NXPE3: variants seen among roughly 807,000 people sequenced by gnomAD.
NXPE3 encodes the protein NXPE family member 3.
A neutral mutation model predicts 46.1 loss-of-function variants in NXPE3; 26 were observed. The ratio of observed to expected loss-of-function variants is 0.56; its 90% CI spans 0.41 to 0.78. NXPE3 has a LOEUF of 0.78. Among genes scored for constraint, NXPE3 ranks in the 30% least tolerant of loss-of-function variants. The pLI is 0.00. For missense variants in NXPE3, 620 were observed against 686.0 expected, an observed-to-expected ratio of 0.90 and a Z score of 1.07; for synonymous variants, 272 against 257.9, an observed-to-expected ratio of 1.05 and a Z score of -0.52.
chr3:101,780,934 C>CT (rs1263208909), intron 1 of NXPE3, among the ~76,000 whole-genome samples: 1 of 152,138 alleles, frequency 6.6e-6, no homozygotes, highest in African/African-American at 2.4e-5. Context: ...CCTGCTTCAT[C>CT]TTTTTTCAAG....
intron 4 of NXPE3, among the ~76,000 whole-genome samples, chr3:101,788,206 T>C (rs1484598746): frequency 1.3e-5 from 2 of 152,244 alleles, no homozygotes; most frequent in Non-Finnish European, 2.9e-5. Context: ...CGGTACTCAC[T>C]GTTTAACGGA....
intron 6 of NXPE3, 94 bp downstream of exon 6, chr3:101,807,220 C>T (rs1292329314): frequency 2.4e-6 from 2 of 834,412 alleles, no homozygotes; most frequent in African/African-American, 1.7e-5. Flanking sequence ...ACTTATATGC[C>T]ATAGTTACTT....
chr3:101,807,158 G>A, intron 6 of NXPE3, 32 bp downstream of exon 6: 3 of 1,542,286 alleles, frequency 1.9e-6, no homozygotes, highest in South Asian at 1.1e-5. Context: ...ATGATTTGTT[G>A]TTTTTCTTAC....
intron 4 of NXPE3, among the ~76,000 whole-genome samples, chr3:101,788,714 C>G (rs993329029): frequency 6.6e-6 from 1 of 152,170 alleles, no homozygotes; most frequent in South Asian, 2.1e-4. Context: ...CTCCCAGATT[C>G]AAGTGATTCT....
At chr3:101,819,105 A>T (rs567539014) in intron 7 of NXPE3, among the ~76,000 whole-genome samples, 3 of 152,160 alleles carry the variant, frequency 2.0e-5, no homozygotes, top group Admixed American at 1.3e-4. Flanking sequence ...TTCAAAATTG[A>T]CCGTGAACTC....
chr3:101,780,439 T>G (rs570023075), intron 1 of NXPE3, among the ~76,000 whole-genome samples: 1 of 152,330 alleles, frequency 6.6e-6, no homozygotes, highest in East Asian at 1.9e-4. Context: ...CCTGACAATT[T>G]AAGTTACAAT....
chr3:101,810,857 C>A (rs1156761573), intron 6 of NXPE3, among the ~76,000 whole-genome samples: 1 of 151,930 alleles, frequency 6.6e-6, no homozygotes, highest in South Asian at 2.1e-4. Flanking sequence ...GAGACAGAGT[C>A]TTGCTCTGTT....
At chr3:101,791,790 C>T (rs9873837) in intron 4 of NXPE3, among the ~76,000 whole-genome samples, 5,954 of 151,380 alleles carry the variant, frequency 0.039, 420 homozygotes, top group African/African-American at 0.14. Flanking sequence ...GACTTCTATT[C>T]CTCTAGGTAT....
At chr3:101,786,687 C>A (rs185015507) in intron 4 of NXPE3, among the ~76,000 whole-genome samples, 1 of 152,296 alleles carries the variant, frequency 6.6e-6, no homozygotes, top group East Asian at 1.9e-4. Flanking sequence ...TAAGATACTA[C>A]CAATCCTACA....
intron 7 of NXPE3, among the ~76,000 whole-genome samples, chr3:101,818,051 C>T (rs1942046064): frequency 6.6e-6 from 1 of 152,016 alleles, no homozygotes. Flanking sequence ...CCACTGCACT[C>T]AGCTAATTTT....
chr3:101,792,230 A>G (rs574297610), intron 4 of NXPE3, among the ~76,000 whole-genome samples: 33 of 152,220 alleles, frequency 2.2e-4, no homozygotes, highest in African/African-American at 7.5e-4. Flanking sequence ...TACTCTATTG[A>G]TAGTATCTTT....
rs1252046065 is a variant in NXPE3 at position 101,825,231 on chromosome 3, A to G, written c.*3277A>G. ...CATGTGTTCTCATCATTTAGCTCTC[A>G]CTTATCAGTGAGAACAACTTTCATC... is the stretch of plus-strand genomic sequence containing the variant. On this transcript the variant is annotated 3_prime_UTR_variant, in exon 8 of 8. Transcript: ENST00000273347. 1 of 152,092 alleles carries G rather than the reference A, an allele frequency of 6.6e-6. No individual in the cohort carries two copies. The highest frequency in any genetic ancestry group is 1.5e-5 in the Non-Finnish European group (1 of 68,020). The allele number at this position is 152,092 out of a possible 1,614,324, so 9.4% of individuals were successfully genotyped here.
chr3:101,822,184 C>CGCCCACCGAG lies in NXPE3; in HGVS notation c.*230_*231insGCCCACCGAG. The CGCCCACCGAG allele has an allele frequency of 2.1e-6, 1 of 465,836 alleles. No homozygotes were observed. The highest frequency in any genetic ancestry group is 4.0e-5 in the South Asian group (1 of 24,788). 28.9% of individuals were successfully genotyped at this position (465,836 alleles called of 1,614,324 possible). A position where few individuals can be genotyped will look rare whatever the true frequency, so the allele number is the denominator to read the frequency against. On this transcript the variant is annotated 3_prime_UTR_variant, in exon 8 of 8. Coordinates refer to ENST00000273347, the MANE Select transcript of NXPE3 (RefSeq NM_145037.4). ...TTAGCCATGGTAGAACTCTTAACTG[C>CGCCCACCGAG]ATCTACACACTATATTGCTCTTGTA... is the stretch of plus-strand genomic sequence containing the variant.
intron 7 of NXPE3, among the ~76,000 whole-genome samples, chr3:101,819,701 T>A (rs1052268862): frequency 6.6e-6 from 1 of 152,248 alleles, no homozygotes; most frequent in Non-Finnish European, 1.5e-5. Context: ...CATTGTGGAA[T>A]TAGTACATCA....
chr3:101,815,582 G>C (rs779312458), intron 6 of NXPE3, among the ~76,000 whole-genome samples: 1 of 152,192 alleles, frequency 6.6e-6, no homozygotes, highest in Non-Finnish European at 1.5e-5. Context: ...TATGTAATCA[G>C]GCTGGGCATG....
At chr3:101,804,427 A>T (rs370525458) in intron 5 of NXPE3, among the ~76,000 whole-genome samples, 1 of 152,316 alleles carries the variant, frequency 6.6e-6, no homozygotes, top group South Asian at 2.1e-4. Flanking sequence ...AATTTTATTT[A>T]CCTGGAAGTT....
intron 6 of NXPE3, among the ~76,000 whole-genome samples, chr3:101,812,487 G>A (rs114852802): frequency 7.6e-4 from 115 of 152,170 alleles, no homozygotes; most frequent in African/African-American, 2.5e-3. Context: ...ACTTTGCCAA[G>A]TCACTCTGTG....
chr3:101,804,467 A>C (rs1372234622), intron 5 of NXPE3, among the ~76,000 whole-genome samples: 3 of 152,216 alleles, frequency 2.0e-5, no homozygotes, highest in Non-Finnish European at 4.4e-5. Flanking sequence ...GAGGTGGTGT[A>C]AGTTTTTGGA....
intron 5 of NXPE3, 70 bp from the exon 6 acceptor site, chr3:101,806,983 C>A: frequency 9.9e-7 from 1 of 1,014,194 alleles, no homozygotes; most frequent in Non-Finnish European, 1.6e-6. Context: ...TTATCATTTG[C>A]CAATAAAGAC....
Sources: gnomAD v4.1 joint callset for allele counts (sites outside exome capture counted in the v4.1 genomes callset) on GRCh38, gnomAD v4.1.1 for gene constraint, MANE v1.5 for transcripts, NCBI Gene and HGNC (gene_info 2026-07-23, HGNC 2026-07-21) for gene names.